EPHB4: variants seen among roughly 807,000 people sequenced by gnomAD.
EPHB4 encodes the protein EPH receptor B4, also known as ephrin type-B receptor 4.
Under a neutral mutation model 110.6 loss-of-function variants are expected in EPHB4, and 50 were observed. The ratio of observed to expected loss-of-function variants is 0.45; its 90% CI spans 0.36 to 0.57. The LOEUF (loss-of-function observed/expected upper bound fraction) is 0.57, where lower values mean the gene tolerates loss of function less well. Ranked by LOEUF, EPHB4 falls within the 20% of genes least tolerant of loss-of-function variation. The pLI is 0.00. For synonymous variants in EPHB4, 592 were observed against 578.4 expected (o/e 1.02, Z -0.34); for missense variants, 1,128 against 1,382.1 (o/e 0.82, Z 2.91).
chr7:100,807,665 A>G (rs1169001620), intron 12 of EPHB4, 85 bp from the exon 13 acceptor site: 9 of 1,411,204 alleles, frequency 6.4e-6, no homozygotes, highest in Non-Finnish European at 5.8e-6. Context: ...TTTTAGAGAC[A>G]GGGTCTTGTT....
At chr7:100,817,717 C>T (rs531339511) in intron 7 of EPHB4, among the ~76,000 whole-genome samples, 45 of 151,756 alleles carry the variant, frequency 3.0e-4, no homozygotes, top group Admixed American at 9.2e-4. Flanking sequence ...GTAGTAGAGA[C>T]GGGGATTTCA....
chr7:100,822,274 G>T lies in EPHB4; in HGVS notation c.805C>A (p.Arg269=). Reference sequence around the variant, plus strand: ...CAGGGGAAGCTCCAGCTCTCACCTCGGCACTTGGTGTTCCCCTCAGCTGCC... The same window carrying T: ...CAGGGGAAGCTCCAGCTCTCACCTCTGCACTTGGTGTTCCCCTCAGCTGCC... ...FEAAEGNTKC[R]ACAQGTFKPL... The change falls in exon 4 of 17, where the codon CGA becomes AGA. Residue 269 remains arginine (R), a synonymous_variant. Transcript: ENST00000358173. The surrounding 1 kb of genome is among the most constrained non-coding windows in gnomAD (Gnocchi z 4.7). 6.4e-7 allele frequency: 1 copy of T among 1,559,128 alleles called. No homozygotes were observed. Among genetic ancestry groups the T allele is most frequent in the Middle Eastern group, 1.7e-4 (1 of 5,980 alleles).
chr7:100,825,525 A>T (rs751492233), intron 1 of EPHB4: 4 of 152,182 alleles, frequency 2.6e-5, no homozygotes, highest in Non-Finnish European at 5.9e-5. Flanking sequence ...GTCAGTTCGC[A>T]TGTCTCTCAC....
chr7:100,809,304 A>G (rs965376990), intron 12 of EPHB4, among the ~76,000 whole-genome samples: 1 of 151,950 alleles, frequency 6.6e-6, no homozygotes, highest in African/African-American at 2.4e-5. Flanking sequence ...ACAGGGTTTC[A>G]CCATGTTGGC....
intron 8 of EPHB4, among the ~76,000 whole-genome samples, chr7:100,816,233 CA>C: frequency 6.6e-6 from 1 of 152,246 alleles, no homozygotes; most frequent in South Asian, 2.1e-4. Flanking sequence ...CTGTTACCTC[CA>C]ATCCTCAAAG....
chr7:100,813,599 A>G (rs1453089442), intron 10 of EPHB4, 53 bp downstream of exon 10: 37 of 1,595,800 alleles, frequency 2.3e-5, no homozygotes, highest in Non-Finnish European at 2.9e-5. Flanking sequence ...TATAGATAGG[A>G]GCCACCACAC....
chr7:100,819,921 G>C lies in EPHB4; in HGVS notation c.965-32C>G, dbSNP rs958498025. The C allele has an allele frequency of 3.5e-5, 54 of 1,526,544 alleles. 1 individual carries two copies. The highest frequency in any genetic ancestry group is 1.6e-4 in the Admixed American group (8 of 49,856). 94.6% of individuals were successfully genotyped at this position (1,526,544 alleles called of 1,614,324 possible). A position where few individuals can be genotyped will look rare whatever the true frequency, so the allele number is the denominator to read the frequency against. ...GAGACCAGGGAGTCAGGCAGAGGCC[G>C]ACCTGCTCTGCGGTGGTGGGGAGAG... On this transcript the variant is annotated intron_variant, in intron 5 of 16. Transcript: ENST00000358173.
intron 16 of EPHB4, among the ~76,000 whole-genome samples, chr7:100,804,384 G>A (rs1445672348): frequency 4.3e-5 from 6 of 138,698 alleles, no homozygotes; most frequent in African/African-American, 1.7e-4. Flanking sequence ...GTGCGATCTC[G>A]GCTCACTGCA....
intron 7 of EPHB4, among the ~76,000 whole-genome samples, 171 bp from the exon 8 acceptor site, chr7:100,817,528 CTTTTT>C (rs1037350114): frequency 6.6e-6 from 1 of 151,928 alleles, no homozygotes; most frequent in African/African-American, 2.4e-5. Context: ...AATATCATTC[CTTTTT>C]TTTAAGACAA....
In EPHB4 at chr7:100,827,057, G is replaced by A. The variant is rs374017664; in HGVS notation, c.-27C>T. 15 of 1,566,872 alleles carry A rather than the reference G, an allele frequency of 9.6e-6. No homozygotes were observed. The highest frequency in any genetic ancestry group is 1.4e-5 in the African/African-American group (1 of 73,418). ...GCGCCGCCTCACTCGGGTAGGATCC[G>A]AACTGAGTTTGGGGGGCCCTCGCCC... On this transcript the variant is annotated 5_prime_UTR_variant, in exon 1 of 17. Transcript: ENST00000358173.
Position 100,807,572 on chromosome 7 carries a change from G to A in EPHB4, c.2127C>T (p.Asp709=), listed in dbSNP as rs771574231. 147 of 1,612,920 alleles carry A rather than the reference G, an allele frequency of 9.1e-5. No homozygotes were observed. The East Asian group carries it at 1.2e-3, about 13-fold the overall frequency. The part of the protein sequence containing the change: ...GALDSFLRLN[D]GQFTVIQLVG... ...CGAGCTGGATGACTGTGAACTGTCC[G>A]TCGTTTAGCTGGAGAGCAGATAGGG... The change falls in exon 13 of 17, where the codon GAC becomes GAT. Residue 709 remains aspartate, a synonymous_variant. Transcript: ENST00000358173.
chr7:100,826,947 CG>C, intron 1 of EPHB4, 31 bp downstream of exon 1: 1 of 1,515,696 alleles, frequency 6.6e-7, no homozygotes, highest in Non-Finnish European at 8.8e-7. Flanking sequence ...CCAGGAGTGA[CG>C]GGGTGCGCCC....
intron 1 of EPHB4, chr7:100,824,966 A>C (rs1813334400): frequency 1.3e-5 from 2 of 151,744 alleles, no homozygotes; most frequent in African/African-American, 4.9e-5. Context: ...GGGAGGGGTG[A>C]ACACACCTGG....
chr7:100,806,305 A>G (rs750843065), intron 14 of EPHB4, 115 bp downstream of exon 14: 79 of 1,279,684 alleles, frequency 6.2e-5, no homozygotes, highest in Non-Finnish European at 8.4e-5. Context: ...CCTTTTTGTC[A>G]TCTCCATGGT....
chr7:100,810,551 G>A (rs916785290), intron 12 of EPHB4, among the ~76,000 whole-genome samples: 1 of 151,982 alleles, frequency 6.6e-6, no homozygotes, highest in Non-Finnish European at 1.5e-5. Flanking sequence ...AGACCAGCCT[G>A]GGCAACATAG....
intron 8 of EPHB4, among the ~76,000 whole-genome samples, chr7:100,816,222 C>T (rs1813063660): frequency 6.6e-6 from 1 of 152,028 alleles, no homozygotes; most frequent in Non-Finnish European, 1.5e-5. Flanking sequence ...TTAAAAATAA[C>T]CTGTTACCTC....
intron 6 of EPHB4, among the ~76,000 whole-genome samples, chr7:100,819,184 C>T (rs528464157): frequency 1.8e-4 from 28 of 152,298 alleles, no homozygotes; most frequent in African/African-American, 6.7e-4. Context: ...GCGATCATAG[C>T]TCACTGCAGC....
intron 12 of EPHB4, among the ~76,000 whole-genome samples, chr7:100,809,969 C>T (rs901363570): frequency 1.3e-5 from 2 of 152,200 alleles, no homozygotes; most frequent in African/African-American, 4.8e-5. Flanking sequence ...CAAAAATTAG[C>T]CGGGCATAGT....
intron 4 of EPHB4, 160 bp from the exon 5 acceptor site, chr7:100,820,456 T>G (rs1273646978): frequency 1.2e-4 from 61 of 496,048 alleles, no homozygotes; most frequent in South Asian, 1.6e-4. Context: ...CATATCGAGA[T>G]CCCATCTCCA....
Sources: gnomAD v4.1 joint callset for allele counts (sites outside exome capture counted in the v4.1 genomes callset) on GRCh38, gnomAD v4.1.1 for gene constraint, Gnocchi (gnomAD v3.1) non-coding constraint, MANE v1.5 for transcripts, NCBI Gene and HGNC (gene_info 2026-07-23, HGNC 2026-07-21) for gene names.